The following KIF26B variants were observed in gnomAD, a reference collection of about 807,000 sequenced individuals.
KIF26B encodes kinesin family member 26B, also known as kinesin-like protein KIF26B.
Under a neutral mutation model 151.2 loss-of-function variants are expected in KIF26B, and 63 were observed. That is an observed-to-expected ratio of 0.42 (90% CI 0.34 to 0.51). KIF26B has a LOEUF of 0.51. Among genes scored for constraint, KIF26B ranks in the 20% least tolerant of loss-of-function variants. The probability of loss-of-function intolerance (pLI) is 0.07; values close to 1 mark genes in which losing one functional copy is unlikely to be tolerated. For synonymous variants in KIF26B, 1,357 were observed against 1,262.1 expected (o/e 1.08, Z -1.59); for missense variants, 2,813 against 2,913.6 (o/e 0.97, Z 0.79).
At position 245,687,609 on chromosome 1, in the gene KIF26B, G is replaced by T. The variant is rs867927209; in HGVS notation, c.4626G>T (p.Gln1542His). ...VKSSSLPRAFQKASRQEEPDS... is the reference protein window; with the variant it reads ...VKSSSLPRAFHKASRQEEPDS... ...CCAGCAGCCTTCCCAGGGCCTTTCA[G>T]AAGGCCAGCCGGCAGGAGGAGCCGG... The change falls in exon 12 of 15, where the codon CAG (glutamine) becomes CAT (histidine). Residue 1542 changes from glutamine to histidine, a missense_variant. Gln to His is a conservative substitution (Grantham distance 24). Around this residue, in one of 3 missense-constraint regions of KIF26B, gnomAD observed 2,060 missense variants for 2,088.6 expected, o/e 0.99. Transcript: ENST00000407071. The surrounding 1 kb of genome is among the most constrained non-coding windows in gnomAD (Gnocchi z 4.9). 1.2e-5 allele frequency: 19 copies of T among 1,563,576 alleles called. No homozygotes were observed. Among genetic ancestry groups the T allele is most frequent in the Non-Finnish European group, 3.5e-6 (4 of 1,154,454 alleles).
intron 2 of KIF26B, among the ~76,000 whole-genome samples, chr1:245,169,320 C>T (rs533969937): frequency 7.4e-4 from 33 of 44,590 alleles, no homozygotes; most frequent in South Asian, 5.6e-3. Context: ...GACTTTCTAA[C>T]GGGCCATGGT....
At chr1:245,502,617 T>C (rs1660646188) in intron 4 of KIF26B, among the ~76,000 whole-genome samples, 2 of 151,688 alleles carry the variant, frequency 1.3e-5, no homozygotes, top group African/African-American at 4.8e-5. Context: ...TCAATGAAGA[T>C]CAAAACTAGG....
At chr1:245,280,019 C>T (rs754545699) in intron 2 of KIF26B, among the ~76,000 whole-genome samples, 5 of 152,076 alleles carry the variant, frequency 3.3e-5, no homozygotes, top group East Asian at 2.0e-4. Flanking sequence ...GCTCAGTTTA[C>T]AGTACCATTT....
Position 245,702,371 on chromosome 1 carries a change from G to T in KIF26B, c.6179-87G>T. ...GACCTTTAGACCAAGGGGTAGATGT[G>T]GGGGTGGCAGCTCCAGGCTGAGCCG... On this transcript the variant is annotated intron_variant, in intron 14 of 14. Transcript: ENST00000407071. The surrounding 1 kb of genome is among the most constrained non-coding windows in gnomAD (Gnocchi z 4.1). The T allele has an allele frequency of 5.5e-6, 8 of 1,453,590 alleles. No homozygotes were observed. Among genetic ancestry groups the T allele is most frequent in the South Asian group, 2.4e-5 (2 of 81,696 alleles). The allele number at this position is 1,453,590 out of a possible 1,614,324, so 90.0% of individuals were successfully genotyped here.
At chr1:245,623,043 T>G (rs1478143393) in intron 9 of KIF26B, among the ~76,000 whole-genome samples, 1 of 149,476 alleles carries the variant, frequency 6.7e-6, no homozygotes, top group South Asian at 2.1e-4. Flanking sequence ...TTTTTTTTTT[T>G]TTTTTTTTTG....
intron 2 of KIF26B, among the ~76,000 whole-genome samples, chr1:245,162,530 C>T (rs987318522): frequency 6.6e-5 from 10 of 151,850 alleles, no homozygotes; most frequent in Non-Finnish European, 1.5e-4. Context: ...GGACTACAGG[C>T]GCCCGCCACC....
At chr1:245,390,921 CAAAAAAAAAAAA>C (rs796799193) in intron 3 of KIF26B, among the ~76,000 whole-genome samples, 2 of 13,438 alleles carry the variant, frequency 1.5e-4, no homozygotes, top group Admixed American at 1.4e-3. Context: ...GACCCTGTCT[CAAAAAAAAAAAA>C]AAAAAAAAAA....
intron 5 of KIF26B, among the ~76,000 whole-genome samples, chr1:245,556,630 G>A (rs571820275): frequency 1.3e-5 from 2 of 152,282 alleles, no homozygotes; most frequent in African/African-American, 4.8e-5. Flanking sequence ...TCAAACTCCT[G>A]AGTTCGGATG....
At chr1:245,629,573 C>A (rs1203949636) in intron 9 of KIF26B, among the ~76,000 whole-genome samples, 1 of 152,126 alleles carries the variant, frequency 6.6e-6, no homozygotes, top group South Asian at 2.1e-4. Context: ...CCCTTCCTTA[C>A]ACCTTATAAA....
At position 245,391,694 on chromosome 1, in the gene KIF26B, TA is replaced by T. The variant is rs375316627; in HGVS notation, c.999+24331del. Among the ~76,000 whole-genome samples the T allele has an allele frequency of 2.8e-3, 423 of 151,758 alleles. 4 individuals are homozygous for T. The highest frequency in any genetic ancestry group is 0.024 in the Middle Eastern group (7 of 294). On this transcript the variant is annotated intron_variant, in intron 3 of 14. Coordinates refer to ENST00000407071, the MANE Select transcript of KIF26B (RefSeq NM_018012.4). ...AAAAAGAGAGAGATTTGTGAAAATG[TA>T]AAACAGCAATGCCACTTTTCTTACT...
intron 2 of KIF26B, among the ~76,000 whole-genome samples, chr1:245,327,714 A>G (rs1210305404): frequency 1.3e-5 from 2 of 152,246 alleles, no homozygotes; most frequent in African/African-American, 2.4e-5. Context: ...AGAAGGAAAG[A>G]GTCTAGCCTC....
intron 2 of KIF26B, among the ~76,000 whole-genome samples, chr1:245,314,034 C>T (rs1477102107): frequency 6.6e-6 from 1 of 152,194 alleles, no homozygotes; most frequent in Non-Finnish European, 1.5e-5. Flanking sequence ...GTATTTCCTC[C>T]TCACTCACGT....
At chr1:245,253,116 T>A (rs146142363) in intron 2 of KIF26B, among the ~76,000 whole-genome samples, 4,286 of 151,558 alleles carry the variant, frequency 0.028, 91 homozygotes, top group African/African-American at 0.048. Context: ...TTCAAGCAGT[T>A]CTCCTGTCTC....
chr1:245,209,017 G>A (rs919349377), intron 2 of KIF26B, among the ~76,000 whole-genome samples: 1 of 152,094 alleles, frequency 6.6e-6, no homozygotes, highest in Non-Finnish European at 1.5e-5. Context: ...TTAGTTCTTC[G>A]CCAGACTGTA....
chr1:245,694,021 A>G (rs1173542037), intron 12 of KIF26B, among the ~76,000 whole-genome samples: 1 of 152,204 alleles, frequency 6.6e-6, no homozygotes, highest in African/African-American at 2.4e-5. Context: ...TAGAACCCCA[A>G]AGAGAGTAGG....
chr1:245,185,123 T>A (rs1409175487), intron 2 of KIF26B, among the ~76,000 whole-genome samples: 1 of 151,936 alleles, frequency 6.6e-6, no homozygotes, highest in Non-Finnish European at 1.5e-5. Context: ...TTCTGCTGTG[T>A]GCTAAGGTGG....
chr1:245,470,001 G>A (rs529452941), intron 4 of KIF26B, among the ~76,000 whole-genome samples: 4 of 152,002 alleles, frequency 2.6e-5, no homozygotes, highest in South Asian at 2.1e-4. Flanking sequence ...GTTGGTTGGC[G>A]GGAGTCTCGG....
At position 245,564,387 on chromosome 1, in the gene KIF26B, G is replaced by A. The variant is rs2103118724; in HGVS notation, c.1350+23437G>A. Among the ~76,000 whole-genome samples the A allele has an allele frequency of 6.6e-6, 1 of 152,136 alleles. No homozygotes were observed. The highest frequency in any genetic ancestry group is 1.9e-4 in the East Asian group (1 of 5,190). On this transcript the variant is annotated intron_variant, in intron 5 of 14. Coordinates refer to ENST00000407071, the MANE Select transcript of KIF26B (RefSeq NM_018012.4). This position sits in a 1 kb window ranked among gnomAD's most constrained non-coding sequence, Gnocchi z 4.6. ...GGAGACCTTTCCCGGAGCAGGAACG[G>A]GGCCACGGCCGTGTTTGCATTTTCT...
At chr1:245,654,676 C>T (rs973307294) in intron 10 of KIF26B, among the ~76,000 whole-genome samples, 5 of 152,198 alleles carry the variant, frequency 3.3e-5, no homozygotes, top group African/African-American at 1.2e-4. Flanking sequence ...TTATCTGGGG[C>T]AGCTCCTGCA....
Sources: gnomAD v4.1 joint callset for allele counts (sites outside exome capture counted in the v4.1 genomes callset) on GRCh38, gnomAD v4.1.1 for gene constraint, gnomAD v4.1.1 regional missense constraint, Gnocchi (gnomAD v3.1) non-coding constraint, MANE v1.5 for transcripts, NCBI Gene and HGNC (gene_info 2026-07-23, HGNC 2026-07-21) for gene names.